The following GABBR2 variants were observed in gnomAD, a reference collection of about 807,000 sequenced individuals.
GABBR2 encodes gamma-aminobutyric acid type B receptor subunit 2.
In GABBR2, 23 loss-of-function variants were observed where a neutral mutation model predicts 105.6. The observed-to-expected ratio is 0.22, with a 90% CI of 0.16 to 0.31. The LOEUF is 0.31. GABBR2 is among the 10% of genes least tolerant of loss of function. The pLI, the probability that GABBR2 is intolerant of heterozygous loss-of-function variation, is 1.00. For missense variants in GABBR2, 734 were observed against 1,245.5 expected (o/e 0.59, Z 6.18); for synonymous variants, 478 against 499.7 (o/e 0.96, Z 0.58).
At chr9:98,669,942 C>A (rs1212919193) in intron 1 of GABBR2, among the ~76,000 whole-genome samples, 1 of 150,738 alleles carries the variant, frequency 6.6e-6, no homozygotes, top group Admixed American at 6.6e-5. Flanking sequence ...ACCAAGAGAA[C>A]GCAACCAGGA....
intron 1 of GABBR2, among the ~76,000 whole-genome samples, chr9:98,677,669 C>T (rs938228119): frequency 2.6e-5 from 4 of 152,130 alleles, no homozygotes; most frequent in Admixed American, 1.3e-4. Flanking sequence ...TGGGATCATC[C>T]CTTCTCTGTC....
Position 98,585,695 on chromosome 9 carries a change from T to C in GABBR2, c.322-7623A>G, listed in dbSNP as rs554556539. 3.8e-4 allele frequency among the ~76,000 whole-genome samples: 34 copies of C among 89,962 alleles called. 10 individuals carry two copies. The highest frequency in any genetic ancestry group is 6.4e-4 in the African/African-American group (16 of 24,866). The allele number at this position is 89,962 out of a possible 152,430, so 59.0% of individuals were successfully genotyped here. On this transcript the variant is annotated intron_variant, in intron 1 of 18. Coordinates refer to ENST00000259455, the MANE Select transcript of GABBR2 (RefSeq NM_005458.8). Reference sequence around the variant, plus strand: ...GTTAGGCACAGTACTAAGAACTTGATGTCAAGGATCTTATTCATGCCTCTC... The same window carrying C: ...GTTAGGCACAGTACTAAGAACTTGACGTCAAGGATCTTATTCATGCCTCTC...
intron 11 of GABBR2, among the ~76,000 whole-genome samples, chr9:98,373,340 A>T (rs1277972861): frequency 1.1e-4 from 17 of 152,296 alleles, no homozygotes. Flanking sequence ...GATTTTTTGG[A>T]GGTATCAGTT....
Position 98,290,622 on chromosome 9 carries a change from C to T in GABBR2, c.2788G>A (p.Val930Met). The T allele has an allele frequency of 1.4e-6, 2 of 1,441,518 alleles. No homozygotes were observed. The highest frequency in any genetic ancestry group is 1.8e-6 in the Non-Finnish European group (2 of 1,100,452). The allele number at this position is 1,441,518 out of a possible 1,614,324, so 89.3% of individuals were successfully genotyped here. Residue 930 changes from valine to methionine, a missense_variant, in exon 19 of 19, where the codon GTG (valine) becomes ATG (methionine). Transcript: ENST00000259455. ...ACCATGACTCGGAAGGAGGGTGGCACATGTCTGTGGCGGGGGCTGGCGGTG... is the reference window on the plus strand; with the variant it reads ...ACCATGACTCGGAAGGAGGGTGGCATATGTCTGTGGCGGGGGCTGGCGGTG... ...SPTASPRHRH[V>M]PPSFRVMVSG... is the part of the protein sequence containing the mutation.
chr9:98,633,612 G>A (rs1487871919), intron 1 of GABBR2, among the ~76,000 whole-genome samples: 3 of 134,878 alleles, frequency 2.2e-5, no homozygotes, highest in South Asian at 2.5e-4. Context: ...CAACAAGAGC[G>A]CGAGACTCCA....
chr9:98,570,196 T>C (rs1271396230), intron 2 of GABBR2, among the ~76,000 whole-genome samples: 1 of 152,152 alleles, frequency 6.6e-6, no homozygotes, highest in Non-Finnish European at 1.5e-5. Context: ...CAAGCCGAAA[T>C]GTTCCTTCCC....
rs1829268726 is a variant in GABBR2, at chr9:98,598,358, C to A, written c.322-20286G>T. 2.0e-5 allele frequency among the ~76,000 whole-genome samples: 3 copies of A among 152,150 alleles called. No individual in the cohort carries two copies. In the South Asian group the frequency reaches 6.2e-4, roughly 32 times the overall value. Reference sequence around the variant, plus strand: ...AAGTATGAGATTCATACGCCACACCCATTGCATCCTCCACACTCTCTAGAA... The same window carrying A: ...AAGTATGAGATTCATACGCCACACCAATTGCATCCTCCACACTCTCTAGAA... On this transcript the variant is annotated intron_variant, in intron 1 of 18. Coordinates refer to ENST00000259455, the MANE Select transcript of GABBR2 (RefSeq NM_005458.8).
chr9:98,708,264 C>T (rs1291005758), intron 1 of GABBR2, among the ~76,000 whole-genome samples, 153 bp downstream of exon 1: 2 of 152,150 alleles, frequency 1.3e-5, no homozygotes, highest in Non-Finnish European at 2.9e-5. Flanking sequence ...AGCAGGACCG[C>T]GGGGGTGAAC....
intron 1 of GABBR2, among the ~76,000 whole-genome samples, chr9:98,601,718 C>G (rs1007626189): frequency 1.3e-5 from 2 of 152,082 alleles, no homozygotes; most frequent in African/African-American, 4.8e-5. Context: ...CTCAGGGCAC[C>G]ATGGTCTCTT....
chr9:98,520,296 T>C (rs1010644140), intron 3 of GABBR2, among the ~76,000 whole-genome samples: 2 of 152,072 alleles, frequency 1.3e-5, no homozygotes, highest in Admixed American at 6.5e-5. Context: ...TCCTGAAAGG[T>C]ATATCTTCTC....
At chr9:98,504,620 C>A (rs1827468962) in intron 3 of GABBR2, among the ~76,000 whole-genome samples, 1 of 152,268 alleles carries the variant, frequency 6.6e-6, no homozygotes, top group Admixed American at 6.5e-5. Flanking sequence ...CATTCAAATG[C>A]ACTTGCTATA....
chr9:98,454,076 G>A lies in GABBR2; in HGVS notation c.1141C>T (p.Arg381Trp), dbSNP rs762809795. The change falls in exon 7 of 19, where the codon CGG becomes TGG. Residue 381 changes from arginine (R) to tryptophan (W), a missense_variant. Transcript: ENST00000259455. This position sits in a 1 kb window ranked among gnomAD's most constrained non-coding sequence, Gnocchi z 4.6. ...TTGAAGTCCTGGATCCGCTGGTGCCGGCTGCTGGCATGCAGTGTCTCCATG... is the reference window on the plus strand; with the variant it reads ...TTGAAGTCCTGGATCCGCTGGTGCCAGCTGCTGGCATGCAGTGTCTCCATG... ...RAMETLHASS[R>W]HQRIQDFNYT... 5 of 1,613,984 alleles carry A rather than the reference G, an allele frequency of 3.1e-6. No individual in the cohort carries two copies. The highest frequency in any genetic ancestry group is 1.6e-4 in the Middle Eastern group (1 of 6,084).
rs575445078 is a variant in GABBR2, at chr9:98,501,983, C to T, written c.631-5469G>A. 1.2e-4 allele frequency among the ~76,000 whole-genome samples: 19 copies of T among 152,214 alleles called. No individual in the cohort carries two copies. The Middle Eastern group carries it at 0.01, about 82-fold the overall frequency. On this transcript the variant is annotated intron_variant, in intron 3 of 18. Coordinates refer to ENST00000259455, the MANE Select transcript of GABBR2 (RefSeq NM_005458.8). ...CACAACCTCCCTCCCAGCTGGTTCA[C>T]GGTGCTGTGGTGAAGAGAGTGACAG...
intron 1 of GABBR2, among the ~76,000 whole-genome samples, chr9:98,611,204 C>A (rs1302250681): frequency 6.6e-6 from 1 of 152,180 alleles, no homozygotes; most frequent in Non-Finnish European, 1.5e-5. Context: ...AGATCAATGC[C>A]ACCCCCTGCC....
intron 5 of GABBR2, among the ~76,000 whole-genome samples, chr9:98,476,026 C>T (rs775590418): frequency 6.6e-6 from 1 of 152,086 alleles, no homozygotes; most frequent in Non-Finnish European, 1.5e-5. Flanking sequence ...ATCACACCCC[C>T]GTACTCCAGC....
chr9:98,592,152 T>A (rs1039425180), intron 1 of GABBR2, among the ~76,000 whole-genome samples: 1 of 152,286 alleles, frequency 6.6e-6, no homozygotes. Flanking sequence ...CCTCATTGAC[T>A]GGACATGGCC....
rs894698234 is a variant in GABBR2, at chr9:98,454,411, AC to A, written c.1000-195del. Among the ~76,000 whole-genome samples, 2 of 151,566 alleles carry A rather than the reference AC, an allele frequency of 1.3e-5. No individual in the cohort carries two copies. Among genetic ancestry groups the A allele is most frequent in the Non-Finnish European group, 2.9e-5 (2 of 67,912 alleles). ...TACTGTTATTGTCCCCATTTTACAGACCCCCCATTTTCAGGGGGGTCAACTT... is the reference window on the plus strand; with the variant it reads ...TACTGTTATTGTCCCCATTTTACAGACCCCCATTTTCAGGGGGGTCAACTT... On this transcript the variant is annotated intron_variant, in intron 6 of 18. Coordinates refer to ENST00000259455, the MANE Select transcript of GABBR2 (RefSeq NM_005458.8). This position sits in a 1 kb window ranked among gnomAD's most constrained non-coding sequence, Gnocchi z 4.6.
rs765315548 is a variant in GABBR2, at chr9:98,299,237, G to A, written c.2529C>T (p.Phe843=). 6.8e-6 allele frequency: 11 copies of A among 1,614,062 alleles called. No homozygotes were observed. In the Admixed American group the frequency reaches 1.8e-4, roughly 27 times the overall value. Residue 843 remains phenylalanine (F), a synonymous_variant, in exon 17 of 19, where the codon TTC becomes TTT. Transcript: ENST00000259455. ...TGGCTCTCTTACCTGTGCTCTCAGT[G>A]AAGTTTCCCAGGTTGAGGATGTCAT... ...ELNDILNLGN[F]TESTDGGKAI...
rs1421579652 is a variant in GABBR2 at position 98,422,979 on chromosome 9, T to C, written c.1237-16838A>G. Reference sequence around the variant, plus strand: ...AGGCTGCACAGTATTCCATGGTGTATATGTGCCACATTTGCTTAACCCAGT... The same window carrying C: ...AGGCTGCACAGTATTCCATGGTGTACATGTGCCACATTTGCTTAACCCAGT... On this transcript the variant is annotated intron_variant, in intron 7 of 18. Transcript: ENST00000259455. 2.0e-5 allele frequency among the ~76,000 whole-genome samples: 3 copies of C among 152,314 alleles called. No individual in the cohort carries two copies. The South Asian group carries it at 6.2e-4, about 32-fold the overall frequency.
Sources: gnomAD v4.1 joint callset for allele counts (sites outside exome capture counted in the v4.1 genomes callset) on GRCh38, gnomAD v4.1.1 for gene constraint, Gnocchi (gnomAD v3.1) non-coding constraint, MANE v1.5 for transcripts, NCBI Gene and HGNC (gene_info 2026-07-23, HGNC 2026-07-21) for gene names.